The following SLA variants were observed in gnomAD, a reference collection of about 807,000 sequenced individuals.
The protein encoded by SLA is Src like adaptor.
SLA carries 16 observed loss-of-function variants against 30.3 expected under a neutral mutation model. The observed-to-expected ratio is 0.53, with a 90% CI of 0.36 to 0.80. The LOEUF (loss-of-function observed/expected upper bound fraction) is 0.80, where lower values mean the gene tolerates loss of function less well. SLA is among the 30% of genes least tolerant of loss of function. The pLI, the probability that SLA is intolerant of heterozygous loss-of-function variation, is 0.01. For missense variants in SLA, 310 were observed against 345.2 expected, an observed-to-expected ratio of 0.90 and a Z score of 0.81; for synonymous variants, 143 against 137.8, an observed-to-expected ratio of 1.04 and a Z score of -0.26.
In SLA at chr8:133,096,059, C is replaced by T. The variant is rs540686796; in HGVS notation, c.-319+6494G>A. On this transcript the variant is annotated intron_variant, in intron 1 of 8. Transcript: ENST00000338087. The stretch of plus-strand genomic sequence containing the variant: ...GCCCCTGACTTTGTCACATGGTGTC[C>T]TGCCTGCCAGTTGTCCTGGTCACTT... The T allele has an allele frequency of 6.4e-6, 6 of 940,986 alleles. No homozygotes were observed. In the East Asian group the frequency reaches 9.7e-5, roughly 15 times the overall value. 58.3% of individuals were successfully genotyped at this position (940,986 alleles called of 1,614,324 possible).
rs1393505973 is a variant in SLA, at chr8:133,038,563, C to A, written c.792G>T (p.Lys264Asn). The A allele has an allele frequency of 1.6e-5, 26 of 1,613,960 alleles. No homozygotes were observed. The highest frequency in any genetic ancestry group is 2.1e-5 in the Non-Finnish European group (25 of 1,179,936). ...AAGGTGGTGATGAGAAGAATGAGCT[C>A]TTTCTCTTGCTGCCACCATACATCA... is the stretch of plus-strand genomic sequence containing the variant. Reference protein sequence around the residue: ...ISLMYGGSKRKSSFFSSPPYF... With the variant: ...ISLMYGGSKRNSSFFSSPPYF... Residue 264 changes from lysine (K) to asparagine (N), a missense_variant, in exon 9 of 9, where the codon AAG (lysine) becomes AAT (asparagine). Physicochemically the swap from Lys to Asn is moderately conservative, Grantham distance 94. Coordinates refer to ENST00000338087, the MANE Select transcript of SLA (RefSeq NM_001045556.3).
At chr8:133,092,574 TACCTGGCC>T (rs1346583743) in intron 1 of SLA, among the ~76,000 whole-genome samples, 2 of 152,186 alleles carry the variant, frequency 1.3e-5, no homozygotes, top group Non-Finnish European at 2.9e-5. Flanking sequence ...CTTCTTCACC[TACCTGGCC>T]TCATGCATCT....
intron 3 of SLA, among the ~76,000 whole-genome samples, chr8:133,051,839 T>C (rs1002099163): frequency 1.3e-5 from 2 of 152,234 alleles, no homozygotes; most frequent in African/African-American, 2.4e-5. Flanking sequence ...GCTATGACTT[T>C]CATCACTCCA....
intron 5 of SLA, among the ~76,000 whole-genome samples, 184 bp from the exon 6 acceptor site, chr8:133,048,117 T>C (rs1839799844): frequency 6.6e-6 from 1 of 152,222 alleles, no homozygotes; most frequent in Admixed American, 6.5e-5. Context: ...AGTAGTTTGC[T>C]CAGGAAACCA....
At chr8:133,051,008 G>A in intron 3 of SLA, 93 bp from the exon 4 acceptor site, 1 of 715,352 alleles carries the variant, frequency 1.4e-6, no homozygotes, top group Non-Finnish European at 2.5e-6. Flanking sequence ...ATGAAGATGA[G>A]ATTTTCCAGC....
In SLA at chr8:133,040,015, G is replaced by C. The variant is rs1174904946; in HGVS notation, c.600C>G (p.Asp200Glu). 2 of 1,551,328 alleles carry C rather than the reference G, an allele frequency of 1.3e-6. No individual in the cohort carries two copies. Among genetic ancestry groups the C allele is most frequent in the East Asian group, 4.9e-5 (2 of 40,894 alleles). The change falls in exon 8 of 9, where the codon GAC (aspartate) becomes GAG (glutamate). Residue 200 changes from aspartate to glutamate, a missense_variant. By Grantham distance (45) the Asp-to-Glu change is conservative. Coordinates refer to ENST00000338087, the MANE Select transcript of SLA (RefSeq NM_001045556.3). ...ATACTCACCTGGACACTCTCCTCCA[G>C]TCCACAGTCTTCTGACGCAAGGTGA... The part of the protein sequence containing the change: ...SPVTLRQKTV[D>E]WRRVSRLQED...
At chr8:133,053,570 G>A (rs1007689465) in intron 3 of SLA, among the ~76,000 whole-genome samples, 5 of 152,236 alleles carry the variant, frequency 3.3e-5, no homozygotes, top group Non-Finnish European at 1.5e-5. Context: ...GGGAGGCACA[G>A]TGTGTGTTCT....
At chr8:133,050,384 G>C (rs566327549) in intron 4 of SLA, 18 of 281,718 alleles carry the variant, frequency 6.4e-5, no homozygotes, top group Non-Finnish European at 1.0e-4. Flanking sequence ...TAGAACTTCT[G>C]TCATGTTCTA....
At chr8:133,085,745 T>C (rs952974870) in intron 1 of SLA, among the ~76,000 whole-genome samples, 1 of 152,182 alleles carries the variant, frequency 6.6e-6, no homozygotes, top group Non-Finnish European at 1.5e-5. Context: ...TATGAAGAAG[T>C]AAAAGCATTC....
At chr8:133,051,490 C>A (rs1564120497) in intron 3 of SLA, among the ~76,000 whole-genome samples, 1 of 152,038 alleles carries the variant, frequency 6.6e-6, no homozygotes, top group East Asian at 1.9e-4. Flanking sequence ...TGAGGTTAAA[C>A]AAAATACTTA....
Position 133,045,144 on chromosome 8 carries a change from G to A in SLA, c.353-29C>T, listed in dbSNP as rs753074195. On this transcript the variant is annotated intron_variant, in intron 6 of 8. Coordinates refer to ENST00000338087, the MANE Select transcript of SLA (RefSeq NM_001045556.3). ...CAGGAGGTGGAGGATAAGTCAGTGG[G>A]CTCCACCTGTCCTCACCCCAAGGCA... 4 of 1,612,722 alleles carry A rather than the reference G, an allele frequency of 2.5e-6. No individual in the cohort carries two copies. The South Asian group carries it at 4.4e-5, about 18-fold the overall frequency.
chr8:133,066,364 A>G lies in SLA; in HGVS notation c.-40-6164T>C, dbSNP rs180950159. Among the ~76,000 whole-genome samples the G allele has an allele frequency of 1.9e-3, 294 of 152,034 alleles. 1 individual carries two copies. The highest frequency in any genetic ancestry group is 6.8e-3 in the African/African-American group (282 of 41,474). On this transcript the variant is annotated intron_variant, in intron 2 of 8. Transcript: ENST00000338087. ...AAAAAAGCTGTTACTGCTGTGGAACAAAACAAAAGAAAAGAAACAGAAAGG... is the reference window on the plus strand; with the variant it reads ...AAAAAAGCTGTTACTGCTGTGGAACGAAACAAAAGAAAAGAAACAGAAAGG...
At chr8:133,092,916 T>C (rs1283342335) in intron 1 of SLA, among the ~76,000 whole-genome samples, 1 of 152,200 alleles carries the variant, frequency 6.6e-6, no homozygotes, top group Non-Finnish European at 1.5e-5. Flanking sequence ...CATCTTGCAA[T>C]ATCAGTGTGA....
At chr8:133,045,992 A>G (rs1285630846) in intron 6 of SLA, among the ~76,000 whole-genome samples, 1 of 152,188 alleles carries the variant, frequency 6.6e-6, no homozygotes, top group Non-Finnish European at 1.5e-5. Flanking sequence ...AAGCTGAGTC[A>G]TCTTTCTGGG....
intron 1 of SLA, among the ~76,000 whole-genome samples, chr8:133,102,165 T>C (rs1345549064): frequency 6.6e-6 from 1 of 152,246 alleles, no homozygotes; most frequent in East Asian, 1.9e-4. Flanking sequence ...CAGATAATTA[T>C]ACACAGAAAG....
At position 133,037,820 on chromosome 8, in the gene SLA, C is replaced by T. The variant is rs1837370616; in HGVS notation, c.*704G>A. 1 of 152,248 alleles carries T rather than the reference C, an allele frequency of 6.6e-6. No individual in the cohort carries two copies. Among genetic ancestry groups the T allele is most frequent in the South Asian group, 2.1e-4 (1 of 4,832 alleles). 9.4% of individuals were successfully genotyped at this position (152,248 alleles called of 1,614,324 possible). On this transcript the variant is annotated 3_prime_UTR_variant, in exon 9 of 9. Coordinates refer to ENST00000338087, the MANE Select transcript of SLA (RefSeq NM_001045556.3). ...GGAAGCTGGTGCAGTTCTAGTCTCG[C>T]CTCCTCGATTTCCCTGCCAGCAGTC...
chr8:133,051,095 G>A (rs1033367547), intron 3 of SLA, among the ~76,000 whole-genome samples, 180 bp from the exon 4 acceptor site: 1 of 152,200 alleles, frequency 6.6e-6, no homozygotes, highest in Non-Finnish European at 1.5e-5. Context: ...CAGGGTGTGC[G>A]TACGAGCCCT....
At chr8:133,052,723 T>TAAG (rs1840645059) in intron 3 of SLA, among the ~76,000 whole-genome samples, 1 of 152,180 alleles carries the variant, frequency 6.6e-6, no homozygotes, top group Non-Finnish European at 1.5e-5. Context: ...CAGTCCTCTT[T>TAAG]AAGAAAAAAA....
At chr8:133,051,067 T>G in intron 3 of SLA, 152 bp from the exon 4 acceptor site, 2 of 615,034 alleles carry the variant, frequency 3.3e-6, no homozygotes, top group Admixed American at 2.8e-5. Flanking sequence ...CAAGGTCCTC[T>G]CTTCAGAGAT....
Sources: allele counts gnomAD v4.1 joint callset (sites outside exome capture counted in the v4.1 genomes callset), GRCh38; gene constraint gnomAD v4.1.1; transcripts MANE v1.5; gene names NCBI Gene and HGNC (gene_info 2026-07-23, HGNC 2026-07-21).